The following CMIP variants were observed in gnomAD, a reference collection of about 807,000 sequenced individuals.
CMIP encodes C-Maf-inducing protein.
In CMIP, 13 loss-of-function variants were observed where a neutral mutation model predicts 97.3. The observed-to-expected ratio is 0.13, with a 90% confidence interval of 0.09 to 0.21. The LOEUF (loss-of-function observed/expected upper bound fraction) is 0.21, where lower values mean the gene tolerates loss of function less well. Among genes scored for constraint, CMIP ranks in the 10% least tolerant of loss-of-function variants. The pLI, the probability that CMIP is intolerant of heterozygous loss-of-function variation, is 1.00. For synonymous variants in CMIP, 538 were observed against 436.3 expected (o/e 1.23, Z -2.91); for missense variants, 847 against 1,024.9 (o/e 0.83, Z 2.37).
intron 1 of CMIP, among the ~76,000 whole-genome samples, chr16:81,557,329 TGATGTTGGTTGAATTTA>T (rs1447230670): frequency 6.8e-6 from 1 of 146,734 alleles, no homozygotes; most frequent in Non-Finnish European, 1.6e-5. Flanking sequence ...TTGAATTTAC[TGATGTTGGTTGAATTTA>T]CTGATGTTGG....
chr16:81,555,550 G>T (rs376520842), intron 1 of CMIP, among the ~76,000 whole-genome samples: 5 of 152,192 alleles, frequency 3.3e-5, no homozygotes. Flanking sequence ...CACATACACT[G>T]TCCGCTCCCT....
intron 1 of CMIP, among the ~76,000 whole-genome samples, chr16:81,598,901 G>A (rs1178268857): frequency 2.0e-5 from 3 of 149,496 alleles, no homozygotes; most frequent in African/African-American, 5.0e-5. Context: ...GCCGGGAGGC[G>A]GGGGTTGCAG....
At chr16:81,649,357 G>A (rs916944709) in intron 3 of CMIP, among the ~76,000 whole-genome samples, 19 of 152,238 alleles carry the variant, frequency 1.2e-4, no homozygotes, top group Non-Finnish European at 1.9e-4. Flanking sequence ...TACCGACCCC[G>A]AGGGCTCGTG....
intron 1 of CMIP, among the ~76,000 whole-genome samples, chr16:81,558,324 C>G (rs1275408796): frequency 1.3e-5 from 2 of 152,190 alleles, no homozygotes; most frequent in East Asian, 1.9e-4. Context: ...ACAGATAGTG[C>G]TGCAGTGAAC....
chr16:81,457,263 G>A (rs1398715644), intron 1 of CMIP, among the ~76,000 whole-genome samples: 1 of 151,950 alleles, frequency 6.6e-6, no homozygotes, highest in Admixed American at 6.6e-5. Flanking sequence ...ACCCCAGCTG[G>A]GCAGCCAGGT....
At chr16:81,602,468 G>C (rs2091673368) in intron 1 of CMIP, among the ~76,000 whole-genome samples, 1 of 152,224 alleles carries the variant, frequency 6.6e-6, no homozygotes, top group South Asian at 2.1e-4. Context: ...TACAGTAAGA[G>C]TCACGCTTTT....
chr16:81,547,099 A>G (rs772295343), intron 1 of CMIP, among the ~76,000 whole-genome samples: 18 of 152,172 alleles, frequency 1.2e-4, no homozygotes, highest in Admixed American at 4.6e-4. Flanking sequence ...TGGCCGAGCC[A>G]TGCCTGGGCT....
intron 1 of CMIP, among the ~76,000 whole-genome samples, chr16:81,484,953 C>T (rs1567538858): frequency 6.6e-6 from 1 of 151,424 alleles, no homozygotes. Flanking sequence ...CTGAAAACCT[C>T]TTTTTTTTTC....
intron 6 of CMIP, 149 bp downstream of exon 6, chr16:81,661,095 G>A (rs1039672562): frequency 3.2e-5 from 29 of 912,762 alleles, no homozygotes; most frequent in African/African-American, 1.6e-4. Context: ...GGGCATGCCC[G>A]GCACCCATTC....
intron 1 of CMIP, among the ~76,000 whole-genome samples, chr16:81,541,873 A>T (rs2090455752): frequency 6.6e-6 from 1 of 152,256 alleles, no homozygotes; most frequent in Non-Finnish European, 1.5e-5. Flanking sequence ...TCTCTACTAC[A>T]AAAGATGGAG....
At chr16:81,660,989 C>G (rs2092539336) in intron 6 of CMIP, 43 bp downstream of exon 6, 1 of 1,611,620 alleles carries the variant, frequency 6.2e-7, no homozygotes, top group Non-Finnish European at 8.5e-7. Flanking sequence ...AGGAAGTAAC[C>G]TCCCTCTGTG....
In CMIP at chr16:81,607,448, G is replaced by T; in HGVS notation, c.301-119G>T. 3.8e-6 allele frequency: 5 copies of T among 1,322,370 alleles called. No homozygotes were observed. In the East Asian group the frequency reaches 1.2e-4, roughly 31 times the overall value. The allele number at this position is 1,322,370 out of a possible 1,614,324, so 81.9% of individuals were successfully genotyped here. Reference sequence around the variant, plus strand: ...TGGTCACCAGAGGTGCTGAGCTCCTGCACCAGCTCCATTTGCCTGTCGCCA... The same window carrying T: ...TGGTCACCAGAGGTGCTGAGCTCCTTCACCAGCTCCATTTGCCTGTCGCCA... On this transcript the variant is annotated intron_variant, in intron 1 of 20. Transcript: ENST00000537098.
Position 81,711,745 on chromosome 16 carries a change from CTG to C in CMIP, c.*1948_*1949del, listed in dbSNP as rs1908800269. 1 of 152,610 alleles carries C rather than the reference CTG, an allele frequency of 6.6e-6. No individual in the cohort carries two copies. The highest frequency in any genetic ancestry group is 1.9e-4 in the East Asian group (1 of 5,200). 9.5% of individuals were successfully genotyped at this position (152,610 alleles called of 1,614,324 possible). On this transcript the variant is annotated 3_prime_UTR_variant, in exon 21 of 21. Coordinates refer to ENST00000537098, the MANE Select transcript of CMIP (RefSeq NM_198390.3). ...TGAAATACTTTCAGGCAAAAATAAA[CTG>C]TAAGTGACTCATCAATGTCTGGCCT...
chr16:81,694,291 C>A lies in CMIP; in HGVS notation c.1530+804C>A, dbSNP rs548882652. On this transcript the variant is annotated intron_variant, in intron 13 of 20. Transcript: ENST00000537098. ...GCATGAGTTCTGGGTGTGGTAGCGC[C>A]CTAACTCCCAGTTGAGGACAGACCT... Among the ~76,000 whole-genome samples the A allele has an allele frequency of 9.2e-5, 14 of 152,244 alleles. No homozygotes were observed. The South Asian group carries it at 1.9e-3, about 20-fold the overall frequency.
intron 1 of CMIP, among the ~76,000 whole-genome samples, chr16:81,501,643 G>A (rs1014245246): frequency 3.5e-5 from 5 of 144,464 alleles, no homozygotes; most frequent in African/African-American, 5.2e-5. Context: ...ACGGTGTCTC[G>A]CTCTGTCGCC....
chr16:81,452,880 GTTTTGTTTT>G (rs1283120196), intron 1 of CMIP, among the ~76,000 whole-genome samples: 17 of 63,730 alleles, frequency 2.7e-4, no homozygotes, highest in African/African-American at 3.5e-4. Flanking sequence ...TTTTTTTTTT[GTTTTGTTTT>G]TTTTTTTTTT....
intron 15 of CMIP, 110 bp from the exon 16 acceptor site, chr16:81,701,550 A>G (rs530732623): frequency 2.7e-6 from 4 of 1,467,260 alleles, no homozygotes; most frequent in Non-Finnish European, 2.8e-6. Flanking sequence ...GGCTGCAGAA[A>G]GGGGATAGTG....
At chr16:81,699,924 A>G (rs1031366357) in intron 15 of CMIP, 123 bp downstream of exon 15, 9 of 647,840 alleles carry the variant, frequency 1.4e-5, no homozygotes, top group Non-Finnish European at 2.5e-5. Context: ...TGAGGCGTGC[A>G]GTCCCAGCCG....
At chr16:81,683,595 G>A (rs796695141) in intron 10 of CMIP, among the ~76,000 whole-genome samples, 13 of 151,922 alleles carry the variant, frequency 8.6e-5, no homozygotes, top group African/African-American at 3.1e-4. Flanking sequence ...TTGCCATGTT[G>A]GCCAGGCTGG....
Sources: allele counts gnomAD v4.1 joint callset (sites outside exome capture counted in the v4.1 genomes callset), GRCh38; gene constraint gnomAD v4.1.1; transcripts MANE v1.5; gene names NCBI Gene and HGNC (gene_info 2026-07-23, HGNC 2026-07-21).